The following SPDYE5 variants were observed in gnomAD, a reference collection of about 807,000 sequenced individuals.
The protein encoded by SPDYE5 is speedy protein E5.
A neutral mutation model predicts 48.5 loss-of-function variants in SPDYE5; 15 were observed. That is an observed-to-expected ratio of 0.31 (90% confidence interval 0.21 to 0.48). The LOEUF (loss-of-function observed/expected upper bound fraction) is 0.48, where lower values mean the gene tolerates loss of function less well. SPDYE5 is among the 20% of genes least tolerant of loss of function. The pLI is 0.99. For synonymous variants in SPDYE5, 116 were observed against 200.7 expected, an observed-to-expected ratio of 0.58 and a Z score of 3.57; for missense variants, 331 against 549.1, an observed-to-expected ratio of 0.60 and a Z score of 3.97.
At position 75,494,006 on chromosome 7, in the gene SPDYE5, T is replaced by A; in HGVS notation, c.-42T>A. On this transcript the variant is annotated 5_prime_UTR_variant, in exon 2 of 9. Transcript: ENST00000625065. The stretch of plus-strand genomic sequence containing the variant: ...GACTTCTCCTAGGCTTGAGAATTGA[T>A]AACATACTCTTCTGGATCCTAGCAG... The A allele has an allele frequency of 1.4e-6, 2 of 1,478,580 alleles. No individual in the cohort carries two copies. The highest frequency in any genetic ancestry group is 2.5e-5 in the East Asian group (1 of 40,040). The allele number at this position is 1,478,580 out of a possible 1,614,324, so 91.6% of individuals were successfully genotyped here.
At chr7:75,492,126 A>G (rs1792757272), upstream of SPDYE5, among the ~76,000 whole-genome samples, 1 of 152,078 alleles carries the variant, frequency 6.6e-6, no homozygotes, top group Non-Finnish European at 1.5e-5. Flanking sequence ...AGGCTTGAAG[A>G]TGGGTTAAAT....
At chr7:75,496,400 A>AC (rs1491558647) in intron 3 of SPDYE5, among the ~76,000 whole-genome samples, 1 of 59,748 alleles carries the variant, frequency 1.7e-5, no homozygotes, top group Admixed American at 2.2e-4. Context: ...AACAACAACA[A>AC]CAACAAAAAA....
chr7:75,493,553 A>G (rs1361824796), intron 1 of SPDYE5, 74 bp from the exon 2 acceptor site: 1 of 814,430 alleles, frequency 1.2e-6, no homozygotes, highest in South Asian at 5.5e-5. Flanking sequence ...GTACATGATA[A>G]TCTCACTCTT....
chr7:75,503,897 T>C lies in SPDYE5; in HGVS notation c.*1110T>C, dbSNP rs1412169476. ...ATGCTGTTTCTATAAAGCTGTGTGA[T>C]GGGTGTTATAACTGTTATATACACA... On this transcript the variant is annotated 3_prime_UTR_variant, in exon 9 of 9. Transcript: ENST00000625065. The C allele has an allele frequency of 1.3e-5, 2 of 151,804 alleles. No homozygotes were observed. The highest frequency in any genetic ancestry group is 4.8e-5 in the African/African-American group (2 of 41,400). The allele number at this position is 151,804 out of a possible 1,614,324, so 9.4% of individuals were successfully genotyped here.
Position 75,501,925 on chromosome 7 carries a change from T to C in SPDYE5, c.1197T>C (p.Ala399=), listed in dbSNP as rs199979041. The change falls in exon 8 of 9, where the codon GCT becomes GCC. Residue 399 remains alanine, a synonymous_variant. Transcript: ENST00000625065. Reference sequence around the variant, plus strand: ...ACTGGGTGTGGGCGCGAGATCGCGCTCACCTTTCCTAGAGCTCCAGGGACC... The same window carrying C: ...ACTGGGTGTGGGCGCGAGATCGCGCCCACCTTTCCTAGAGCTCCAGGGACC... ...PEHWVWARDR[A]HLS 0.18 allele frequency: 260,896 copies of C among 1,477,772 alleles called. 35,254 individuals are homozygous for C. The highest frequency in any genetic ancestry group is 0.23 in the Middle Eastern group (973 of 4,268). The allele number at this position is 1,477,772 out of a possible 1,614,324, so 91.5% of individuals were successfully genotyped here. A position where few individuals can be genotyped will look rare whatever the true frequency, so the allele number is the denominator to read the frequency against.
intron 1 of SPDYE5, among the ~76,000 whole-genome samples, chr7:75,492,977 G>GC (rs1167347756): frequency 5.3e-5 from 8 of 151,658 alleles, no homozygotes; most frequent in Non-Finnish European, 1.0e-4. Context: ...GTTTGGTTTT[G>GC]TTTTTTTAGA....
At chr7:75,492,614 T>A (rs1236102205) in intron 1 of SPDYE5, among the ~76,000 whole-genome samples, 173 bp downstream of exon 1, 11 of 151,718 alleles carry the variant, frequency 7.3e-5, no homozygotes, top group Non-Finnish European at 1.2e-4. Flanking sequence ...ATTTTTTGTA[T>A]TTTTAGTAGA....
intron 4 of SPDYE5, among the ~76,000 whole-genome samples, chr7:75,497,227 A>G (rs1292626807): frequency 2.6e-5 from 4 of 151,898 alleles, no homozygotes; most frequent in African/African-American, 4.8e-5. Flanking sequence ...AGCTATGACT[A>G]CACCACTGCA....
rs1792766299 is a variant in SPDYE5 at position 75,492,363 on chromosome 7, G to C, written c.-500G>C. ...GCAATGGGATCTGCTTCCTCTTTCA[G>C]TGTGTGCCTTTTCTATGAGCGAGAG... On this transcript the variant is annotated 5_prime_UTR_variant, in exon 1 of 9. Transcript: ENST00000625065. 6.6e-6 allele frequency among the ~76,000 whole-genome samples: 1 copy of C among 152,090 alleles called. No individual in the cohort carries two copies. The highest frequency in any genetic ancestry group is 6.6e-5 in the Admixed American group (1 of 15,258).
intron 3 of SPDYE5, among the ~76,000 whole-genome samples, chr7:75,495,663 G>C (rs1414905323): frequency 6.6e-6 from 1 of 152,204 alleles, no homozygotes; most frequent in African/African-American, 2.4e-5. Flanking sequence ...AGGATTGCTT[G>C]AACTCAGGAC....
At chr7:75,494,579 G>T (rs1792857073) in intron 2 of SPDYE5, among the ~76,000 whole-genome samples, 1 of 151,212 alleles carries the variant, frequency 6.6e-6, no homozygotes, top group African/African-American at 2.4e-5. Flanking sequence ...CCTGAGGAGG[G>T]TGTGTGGGAA....
At chr7:75,496,057 T>G (rs1584737372) in intron 3 of SPDYE5, among the ~76,000 whole-genome samples, 2 of 137,688 alleles carry the variant, frequency 1.5e-5, no homozygotes, top group African/African-American at 2.7e-5. Flanking sequence ...GGCCCAGAAG[T>G]CAGGAAGGAG....
Position 75,493,836 on chromosome 7 carries a change from C to T in SPDYE5, c.-212C>T, listed in dbSNP as rs1168576342. 40 of 1,439,434 alleles carry T rather than the reference C, an allele frequency of 2.8e-5. No individual in the cohort carries two copies. The highest frequency in any genetic ancestry group is 7.3e-6 in the Non-Finnish European group (8 of 1,102,288). 89.2% of individuals were successfully genotyped at this position (1,439,434 alleles called of 1,614,324 possible). A position where few individuals can be genotyped will look rare whatever the true frequency, so the allele number is the denominator to read the frequency against. Reference sequence around the variant, plus strand: ...GGACAAGAGATCAGCCTGGCAGTTACATGTGTTTTTTTTCAAACTGGTTGC... The same window carrying T: ...GGACAAGAGATCAGCCTGGCAGTTATATGTGTTTTTTTTCAAACTGGTTGC... On this transcript the variant is annotated 5_prime_UTR_variant, in exon 2 of 9. Coordinates refer to ENST00000625065, the MANE Select transcript of SPDYE5 (RefSeq NM_001306141.4).
At chr7:75,502,504 G>C (rs1161991537) in intron 8 of SPDYE5, among the ~76,000 whole-genome samples, 1 of 152,180 alleles carries the variant, frequency 6.6e-6, no homozygotes, top group Admixed American at 6.5e-5. Flanking sequence ...TGGATCTTAA[G>C]AGACACAAAA....
In SPDYE5 at chr7:75,501,495, C is replaced by G. The variant is rs375989398; in HGVS notation, c.889C>G (p.Pro297Ala). ...RWFQLGRSMN[P>A]RARKKRSRIP... is the part of the protein sequence containing the mutation. ...GTTCCAGTTAGGCCGTTCCATGAAC[C>G]CGAGGGCCAGGAAGAAGCGCTCTCG... The change falls in exon 7 of 9, where the codon CCG becomes GCG. Residue 297 changes from proline (P) to alanine (A), a missense_variant. Physicochemically the swap from Pro to Ala is conservative, Grantham distance 27 (BLOSUM62 -1). Transcript: ENST00000625065. The G allele has an allele frequency of 2.0e-6, 3 of 1,478,894 alleles. No homozygotes were observed. In the South Asian group the frequency reaches 4.1e-5, roughly 20 times the overall value. 91.6% of individuals were successfully genotyped at this position (1,478,894 alleles called of 1,614,324 possible).
In SPDYE5 at chr7:75,503,705, C is replaced by T. The variant is rs1331246398; in HGVS notation, c.*918C>T. The T allele has an allele frequency of 1.3e-5, 2 of 149,562 alleles. No individual in the cohort carries two copies. The highest frequency in any genetic ancestry group is 1.9e-4 in the East Asian group (1 of 5,148). 9.3% of individuals were successfully genotyped at this position (149,562 alleles called of 1,614,324 possible). On this transcript the variant is annotated 3_prime_UTR_variant, in exon 9 of 9. Coordinates refer to ENST00000625065, the MANE Select transcript of SPDYE5 (RefSeq NM_001306141.4). ...CATGTCTCAGATATATATACTAACACGTCTAATATATACTATCTATTTTAT... is the reference window on the plus strand; with the variant it reads ...CATGTCTCAGATATATATACTAACATGTCTAATATATACTATCTATTTTAT...
intron 1 of SPDYE5, among the ~76,000 whole-genome samples, chr7:75,492,738 C>T (rs1291097958): frequency 4.0e-5 from 6 of 150,244 alleles, no homozygotes; most frequent in East Asian, 4.0e-4. Context: ...TGAGCCCAGC[C>T]GGGAACCCAC....
intron 8 of SPDYE5, among the ~76,000 whole-genome samples, 185 bp downstream of exon 8, chr7:75,502,167 G>T (rs1392430254): frequency 9.9e-5 from 15 of 151,602 alleles, no homozygotes; most frequent in African/African-American, 2.9e-4. Flanking sequence ...GGAGGCTGAG[G>T]CGGGAGGATC....
chr7:75,502,392 C>A (rs2116629335), intron 8 of SPDYE5, among the ~76,000 whole-genome samples: 1 of 152,180 alleles, frequency 6.6e-6, no homozygotes, highest in South Asian at 2.1e-4. Flanking sequence ...GAGCACAGAG[C>A]ATAAGACTTC....
Sources: gnomAD v4.1 joint callset for allele counts (sites outside exome capture counted in the v4.1 genomes callset) on GRCh38, gnomAD v4.1.1 for gene constraint, MANE v1.5 for transcripts, NCBI Gene and HGNC (gene_info 2026-07-23, HGNC 2026-07-21) for gene names.